ADCY9: variants seen among roughly 807,000 people sequenced by gnomAD.
ADCY9 encodes adenylate cyclase type 9.
ADCY9 carries 50 observed loss-of-function variants against 101.5 expected under a neutral mutation model. The ratio of observed to expected loss-of-function variants is 0.49; its 90% confidence interval spans 0.39 to 0.62. The LOEUF (loss-of-function observed/expected upper bound fraction) is 0.62. Ranked by LOEUF, ADCY9 falls within the 20% of genes least tolerant of loss-of-function variation. The pLI is 0.00. For synonymous variants in ADCY9, 905 were observed against 769.3 expected (o/e 1.18, Z -2.92); for missense variants, 1,662 against 1,800.4 (o/e 0.92, Z 1.39).
At chr16:4,039,972 G>C (rs1335527111) in intron 2 of ADCY9, among the ~76,000 whole-genome samples, 1 of 152,158 alleles carries the variant, frequency 6.6e-6, no homozygotes, top group African/African-American at 2.4e-5. Flanking sequence ...CCAGGAGGTA[G>C]GGGCTGCGGT....
chr16:4,098,750 C>T (rs368990561), intron 2 of ADCY9, among the ~76,000 whole-genome samples: 5 of 151,884 alleles, frequency 3.3e-5, no homozygotes, highest in African/African-American at 7.3e-5. Flanking sequence ...GCCGGCCCAT[C>T]GTTCCAGGAG....
intron 2 of ADCY9, among the ~76,000 whole-genome samples, chr16:4,056,844 C>T (rs1420571327): frequency 2.0e-5 from 3 of 152,118 alleles, no homozygotes; most frequent in Admixed American, 6.6e-5. Context: ...GTTGACAAGG[C>T]GGCCACACCC....
rs575362930 is a variant in ADCY9, at chr16:3,966,762, C to T, written c.3075G>A (p.Arg1025=). The T allele has an allele frequency of 4.5e-5, 73 of 1,614,220 alleles. 1 individual carries two copies. In the Middle Eastern group the frequency reaches 4.9e-4, roughly 11 times the overall value. The change falls in exon 11 of 11, where the codon CGG becomes CGA. Residue 1025 remains arginine (R), a synonymous_variant. Transcript: ENST00000294016. ...DLHRTKIQSM[R]DQADWLLRNI... ...TCCTCAGCAGCCAGTCTGCCTGGTC[C>T]CGCATGCTCTGGATCTTGGTGCGGT...
At chr16:3,959,917 T>C (rs1432933270), downstream of ADCY9, among the ~76,000 whole-genome samples, 1 of 152,030 alleles carries the variant, frequency 6.6e-6, no homozygotes, top group Non-Finnish European at 1.5e-5. Context: ...TCCCAGCTAC[T>C]CAGGAGGCTG....
At chr16:3,955,694 G>A (rs780782003) in intron 5 of ADCY9, among the ~76,000 whole-genome samples, 4 of 151,952 alleles carry the variant, frequency 2.6e-5, no homozygotes, top group Non-Finnish European at 4.4e-5. Flanking sequence ...GATTATAGGC[G>A]CATGCCACCA....
At chr16:4,077,561 T>G (rs563947890) in intron 2 of ADCY9, among the ~76,000 whole-genome samples, 21 of 152,248 alleles carry the variant, frequency 1.4e-4, no homozygotes, top group Admixed American at 4.6e-4. Flanking sequence ...AAAGTTACTG[T>G]AACTCCTAAG....
chr16:4,012,291 TA>T (rs1265989106), intron 2 of ADCY9, among the ~76,000 whole-genome samples: 18 of 152,170 alleles, frequency 1.2e-4, no homozygotes, highest in African/African-American at 3.9e-4. Context: ...CCCTGACAGG[TA>T]AGGCAGAGCC....
intron 5 of ADCY9, among the ~76,000 whole-genome samples, chr16:3,956,315 C>A (rs2055905797): frequency 1.3e-5 from 2 of 151,828 alleles, no homozygotes; most frequent in African/African-American, 4.8e-5. Flanking sequence ...CTTCTAAGTG[C>A]CTGAAATACT....
intron 2 of ADCY9, among the ~76,000 whole-genome samples, chr16:4,048,501 G>T (rs1013822099): frequency 6.6e-6 from 1 of 152,112 alleles, no homozygotes; most frequent in Admixed American, 6.6e-5. Flanking sequence ...TTATGAAAAT[G>T]GATCCATTAA....
rs1420274039 is a variant in ADCY9, at chr16:4,114,994, AGC to A, written c.447_448del (p.Leu150ValfsTer116). The A allele has an allele frequency of 6.2e-7, 1 of 1,614,098 alleles. No homozygotes were observed. Among genetic ancestry groups the A allele is most frequent in the South Asian group, 1.1e-5 (1 of 91,090 alleles). ...GCCCACACACACCAGGAGGAAGCAC[AGC>A]GCGGGGGCGACCATGACGATCAGTC... On this transcript the variant is annotated frameshift_variant, in exon 2 of 11. Transcript: ENST00000294016. LOFTEE classifies it high-confidence loss of function. The surrounding 1 kb of genome is among the most constrained non-coding windows in gnomAD (Gnocchi z 4.3).
rs747253577 is a variant in ADCY9, at chr16:4,114,671, T to A, written c.772A>T (p.Thr258Ser). 7 of 1,612,876 alleles carry A rather than the reference T, an allele frequency of 4.3e-6. No individual in the cohort carries two copies. Among genetic ancestry groups the A allele is most frequent in the Non-Finnish European group, 5.9e-6 (7 of 1,179,972 alleles). Residue 258 changes from threonine to serine, a missense_variant, in exon 2 of 11, where the codon ACC becomes TCC. Thr to Ser is a moderately conservative substitution (Grantham distance 58). Around this residue, in one of 5 missense-constraint regions of ADCY9, gnomAD observed 422 missense variants for 392.0 expected, o/e 1.08. Coordinates refer to ENST00000294016, the MANE Select transcript of ADCY9 (RefSeq NM_001116.4). The surrounding 1 kb of genome is among the most constrained non-coding windows in gnomAD (Gnocchi z 4.3). ...TCATCCCGGAAATGGTAGCCAAAGG[T>A]CTCGAAAAGGACAGAGTAGGCCACC... ...LGVAYSVLFE[T>S]FGYHFRDEAC...
chr16:4,006,648 A>T (rs879719622), intron 3 of ADCY9, among the ~76,000 whole-genome samples: 10 of 152,214 alleles, frequency 6.6e-5, no homozygotes, highest in Non-Finnish European at 1.5e-4. Flanking sequence ...CATTTTAAGA[A>T]TGGAGACAGT....
At chr16:3,993,615 T>A in intron 3 of ADCY9, 105 bp from the exon 4 acceptor site, 2 of 1,423,938 alleles carry the variant, frequency 1.4e-6, no homozygotes, top group East Asian at 2.3e-5. Context: ...AGCATGGTGG[T>A]GAGCAAGGGG....
chr16:3,958,315 G>A (rs1039761497), downstream of ADCY9, among the ~76,000 whole-genome samples: 1 of 152,122 alleles, frequency 6.6e-6, no homozygotes, highest in African/African-American at 2.4e-5. Flanking sequence ...CCTGAGGCGG[G>A]CAGATCACCT....
intron 6 of ADCY9, among the ~76,000 whole-genome samples, chr16:3,985,844 C>T (rs980712835): frequency 3.3e-5 from 5 of 152,198 alleles, no homozygotes; most frequent in Non-Finnish European, 7.3e-5. Context: ...CCCTCTGGGC[C>T]ACCCCTGGCC....
At chr16:3,970,395 T>C (rs1032663477) in intron 10 of ADCY9, among the ~76,000 whole-genome samples, 1 of 151,964 alleles carries the variant, frequency 6.6e-6, no homozygotes, top group Non-Finnish European at 1.5e-5. Context: ...TGGCGCGACC[T>C]TGGCTCACTG....
chr16:4,075,588 G>A (rs1009846444), intron 2 of ADCY9, among the ~76,000 whole-genome samples: 1 of 152,224 alleles, frequency 6.6e-6, no homozygotes, highest in Non-Finnish European at 1.5e-5. Flanking sequence ...CTGTCAACAT[G>A]TAAATACTGA....
At chr16:4,076,698 C>T (rs1347621570) in intron 2 of ADCY9, among the ~76,000 whole-genome samples, 1 of 152,164 alleles carries the variant, frequency 6.6e-6, no homozygotes, top group Non-Finnish European at 1.5e-5. Flanking sequence ...TAATTAGTTT[C>T]AAAGAGAACC....
At chr16:4,110,099 C>T (rs1310234235) in intron 2 of ADCY9, among the ~76,000 whole-genome samples, 1 of 152,220 alleles carries the variant, frequency 6.6e-6, no homozygotes, top group Non-Finnish European at 1.5e-5. Context: ...GCGCTCCCCA[C>T]TCCCGAACAT....
Sources: allele counts gnomAD v4.1 joint callset (sites outside exome capture counted in the v4.1 genomes callset), GRCh38; gene constraint gnomAD v4.1.1; regional missense constraint gnomAD v4.1.1; non-coding constraint Gnocchi (gnomAD v3.1); transcripts MANE v1.5; gene names NCBI Gene and HGNC (gene_info 2026-07-23, HGNC 2026-07-21).